AGXT2: variants seen among roughly 807,000 people sequenced by gnomAD.
AGXT2 encodes alanine--glyoxylate aminotransferase 2, mitochondrial.
Under a neutral mutation model 62.5 loss-of-function variants are expected in AGXT2, and 61 were observed. The ratio of observed to expected loss-of-function variants is 0.98; its 90% CI spans 0.79 to 1.21. The LOEUF (loss-of-function observed/expected upper bound fraction) is 1.21. Among genes scored for constraint, AGXT2 ranks in the 50% most tolerant of loss-of-function variants. AGXT2 has a pLI of 0.00. For missense variants in AGXT2, 666 were observed against 641.5 expected, an observed-to-expected ratio of 1.04 and a Z score of -0.41; for synonymous variants, 243 against 218.7, an observed-to-expected ratio of 1.11 and a Z score of -0.98.
At chr5:35,021,842 T>G (rs1303958973) in intron 9 of AGXT2, among the ~76,000 whole-genome samples, 2 of 152,036 alleles carry the variant, frequency 1.3e-5, no homozygotes, top group Non-Finnish European at 1.5e-5. Context: ...AGGGCTAATA[T>G]CCAGAATCTA....
In AGXT2 at chr5:35,013,033, G is replaced by A. The variant is rs780144535; in HGVS notation, c.1109C>T (p.Ser370Phe). Residue 370 changes from serine to phenylalanine, a missense_variant, in exon 11 of 14, where the codon TCT (serine) becomes TTT (phenylalanine). Physicochemically the swap from Ser to Phe is radical, Grantham distance 155. Transcript: ENST00000231420. ...AVITTPEIAKSLAKCLQHFNT... is the reference protein window; with the variant it reads ...AVITTPEIAKFLAKCLQHFNT... ...GAAGTGCTGCAGGCATTTCGCCAAA[G>A]ATTTGGCAATCTCTAGAGGGAGAAA... 2 of 1,551,722 alleles carry A rather than the reference G, an allele frequency of 1.3e-6. No homozygotes were observed. The highest frequency in any genetic ancestry group is 2.4e-5 in the South Asian group (2 of 84,064).
At chr5:35,040,865 A>T (rs1460416783) in intron 1 of AGXT2, among the ~76,000 whole-genome samples, 1 of 148,848 alleles carries the variant, frequency 6.7e-6, no homozygotes, top group Non-Finnish European at 1.5e-5. Flanking sequence ...TTCTTCTCAA[A>T]TATAGTCTGG....
chr5:35,035,337 C>T lies in AGXT2; in HGVS notation c.487-21G>A, dbSNP rs745477574. 2.5e-5 allele frequency: 40 copies of T among 1,597,704 alleles called. 1 individual carries two copies. Among genetic ancestry groups the T allele is most frequent in the South Asian group, 1.4e-4 (13 of 90,746 alleles). On this transcript the variant is annotated intron_variant, in intron 4 of 13. Transcript: ENST00000231420. Reference sequence around the variant, plus strand: ...ATGACCTGGAGAGGAAAGGAAGACACGTGGCCTCATAATTTATTTCCTTAT... The same window carrying T: ...ATGACCTGGAGAGGAAAGGAAGACATGTGGCCTCATAATTTATTTCCTTAT...
chr5:35,013,293 G>A (rs1395573146), intron 10 of AGXT2, among the ~76,000 whole-genome samples: 1 of 152,182 alleles, frequency 6.6e-6, no homozygotes, highest in African/African-American at 2.4e-5. Flanking sequence ...GGTTAAATAA[G>A]GTCATCAGGG....
At chr5:35,032,677 T>C (rs1288205632) in intron 7 of AGXT2, 55 bp downstream of exon 7, 1 of 1,435,634 alleles carries the variant, frequency 7.0e-7, no homozygotes, top group Non-Finnish European at 9.6e-7. Flanking sequence ...CTGCCTTTAT[T>C]CGTGTCCCTT....
chr5:35,019,895 C>T (rs1265211001), intron 9 of AGXT2, among the ~76,000 whole-genome samples: 3 of 152,158 alleles, frequency 2.0e-5, no homozygotes, highest in South Asian at 2.1e-4. Flanking sequence ...GGGGATATCA[C>T]CACTGATCCC....
At chr5:35,021,755 G>T (rs1291477346) in intron 9 of AGXT2, among the ~76,000 whole-genome samples, 2 of 151,794 alleles carry the variant, frequency 1.3e-5, no homozygotes, top group African/African-American at 4.8e-5. Flanking sequence ...CTTCTGCACA[G>T]CAAAAGAAAC....
chr5:35,003,759 T>C lies in AGXT2; in HGVS notation c.1437+4A>G, dbSNP rs755652724. ...CGATAGGTAAAAACCAGTCTTTCTC[T>C]TACCTGAGAAAAAATGCTGCCTCTG... On this transcript the variant is annotated splice_donor_region_variant and intron_variant, in intron 13 of 13. Transcript: ENST00000231420. 6.8e-6 allele frequency: 11 copies of C among 1,612,972 alleles called. No individual in the cohort carries two copies. In the South Asian group the frequency reaches 1.2e-4, roughly 18 times the overall value.
In AGXT2 at chr5:35,025,819, G is replaced by A. The variant is rs1767318020; in HGVS notation, c.907C>T (p.Leu303=). Residue 303 remains leucine, a synonymous_variant, in exon 9 of 14, where the codon CTA becomes TTA. Coordinates refer to ENST00000231420, the MANE Select transcript of AGXT2 (RefSeq NM_031900.4). ...NGVVQYPKGF[L]KEAFELVRAR... The stretch of plus-strand genomic sequence containing the variant: ...CGCACCAGCTCAAAGGCTTCCTTTA[G>A]AAACCCCTTTGGGTACTGGACAACT... 1 of 1,614,030 alleles carries A rather than the reference G, an allele frequency of 6.2e-7. No individual in the cohort carries two copies. The highest frequency in any genetic ancestry group is 1.3e-5 in the African/African-American group (1 of 74,922).
At chr5:35,035,129 C>T (rs2112271232) in intron 5 of AGXT2, 93 bp downstream of exon 5, 2 of 1,109,832 alleles carry the variant, frequency 1.8e-6, no homozygotes, top group Middle Eastern at 1.9e-4. Flanking sequence ...CTGAGAAAAC[C>T]TCTCTCCCAC....
chr5:35,022,859 T>C (rs900658015), intron 9 of AGXT2, among the ~76,000 whole-genome samples: 6 of 151,656 alleles, frequency 4.0e-5, no homozygotes, highest in African/African-American at 1.5e-4. Flanking sequence ...AGAACTCTGA[T>C]AATATTGTTT....
intron 13 of AGXT2, among the ~76,000 whole-genome samples, chr5:35,000,853 G>A (rs1437757450): frequency 6.6e-6 from 1 of 152,164 alleles, no homozygotes; most frequent in Non-Finnish European, 1.5e-5. Flanking sequence ...TCTACAGATG[G>A]TCCCTGACAG....
chr5:34,998,404 T>C lies in AGXT2; in HGVS notation c.*315A>G, dbSNP rs1025086012. On this transcript the variant is annotated 3_prime_UTR_variant, in exon 14 of 14. Transcript: ENST00000231420. ...CAAAAGATTTTTCTTCAAGATTCACTGGACAAAAATACATCACATATTCAT... is the reference window on the plus strand; with the variant it reads ...CAAAAGATTTTTCTTCAAGATTCACCGGACAAAAATACATCACATATTCAT... 3 of 348,138 alleles carry C rather than the reference T, an allele frequency of 8.6e-6. No homozygotes were observed. The highest frequency in any genetic ancestry group is 1.6e-5 in the Non-Finnish European group (3 of 189,832). The allele number at this position is 348,138 out of a possible 1,614,324, so 21.6% of individuals were successfully genotyped here. A position where few individuals can be genotyped will look rare whatever the true frequency, so the allele number is the denominator to read the frequency against.
intron 13 of AGXT2, among the ~76,000 whole-genome samples, chr5:35,000,329 C>T (rs1229252164): frequency 6.6e-6 from 1 of 152,134 alleles, no homozygotes; most frequent in Non-Finnish European, 1.5e-5. Flanking sequence ...ACGCTTTCTG[C>T]CTCTACCTGG....
chr5:35,039,867 G>T (rs1334198481), intron 2 of AGXT2, among the ~76,000 whole-genome samples: 1 of 152,114 alleles, frequency 6.6e-6, no homozygotes, highest in Non-Finnish European at 1.5e-5. Context: ...TTTTTGTTGT[G>T]GTAGTGTTTT....
intron 12 of AGXT2, among the ~76,000 whole-genome samples, chr5:35,004,134 C>A (rs1766337559): frequency 6.6e-6 from 1 of 152,192 alleles, no homozygotes; most frequent in Non-Finnish European, 1.5e-5. Context: ...TGCGGATAGC[C>A]AGTGAATCTT....
chr5:35,014,501 C>T (rs1766774911), intron 9 of AGXT2, among the ~76,000 whole-genome samples: 3 of 149,778 alleles, frequency 2.0e-5, no homozygotes, highest in African/African-American at 7.3e-5. Context: ...CTGTTCTCTT[C>T]CCTTTCTTCT....
At chr5:35,017,496 T>C (rs77689475) in intron 9 of AGXT2, among the ~76,000 whole-genome samples, 1 of 152,340 alleles carries the variant, frequency 6.6e-6, no homozygotes, top group South Asian at 2.1e-4. Context: ...CAAGATCTGA[T>C]GGTTTTATAA....
At chr5:35,041,218 C>T (rs1767974159) in intron 1 of AGXT2, among the ~76,000 whole-genome samples, 1 of 4,456 alleles carries the variant, frequency 2.2e-4, no homozygotes, top group African/African-American at 1.1e-3. Context: ...AAAACCTCCC[C>T]CCGCCAAAAA....
Sources: gnomAD v4.1 joint callset for allele counts (sites outside exome capture counted in the v4.1 genomes callset) on GRCh38, gnomAD v4.1.1 for gene constraint, MANE v1.5 for transcripts, NCBI Gene and HGNC (gene_info 2026-07-23, HGNC 2026-07-21) for gene names.